STAC: variants seen among roughly 807,000 people sequenced by gnomAD.
The protein encoded by STAC is SH3 and cysteine rich domain, also known as SH3 and cysteine-rich domain-containing protein.
In STAC, 43 loss-of-function variants were observed where a neutral mutation model predicts 48.8. The ratio of observed to expected loss-of-function variants is 0.88; its 90% CI spans 0.69 to 1.14. The LOEUF (loss-of-function observed/expected upper bound fraction) is 1.14, where lower values mean the gene tolerates loss of function less well. Ranked by LOEUF, STAC falls within the 50% of genes most tolerant of loss-of-function variation. The probability of loss-of-function intolerance (pLI) is 0.00; values close to 1 mark genes in which losing one functional copy is unlikely to be tolerated. For synonymous variants in STAC, 193 were observed against 179.5 expected (o/e 1.07, Z -0.60); for missense variants, 497 against 504.0 (o/e 0.99, Z 0.13).
At chr3:36,431,775 T>G (rs1427872663) in intron 1 of STAC, among the ~76,000 whole-genome samples, 3 of 152,176 alleles carry the variant, frequency 2.0e-5, no homozygotes, top group African/African-American at 4.8e-5. Flanking sequence ...GTTTCCTCCC[T>G]GCTCTTTCTG....
intron 4 of STAC, 126 bp downstream of exon 4, chr3:36,485,184 G>A: frequency 3.1e-6 from 2 of 654,468 alleles, no homozygotes; most frequent in East Asian, 6.4e-5. Context: ...GGCTATTTGG[G>A]GTATGACTGT....
At chr3:36,483,814 GGTGGT>G (rs1228032950) in intron 3 of STAC, among the ~76,000 whole-genome samples, 1 of 152,158 alleles carries the variant, frequency 6.6e-6, no homozygotes, top group Non-Finnish European at 1.5e-5. Flanking sequence ...AGCTGAGTGT[GGTGGT>G]GTGTGCCTGT....
At chr3:36,467,837 G>A (rs554395659) in intron 2 of STAC, among the ~76,000 whole-genome samples, 51 of 151,702 alleles carry the variant, frequency 3.4e-4, no homozygotes, top group African/African-American at 1.2e-3. Context: ...TGTTATTTCA[G>A]TTTCATTTAG....
At chr3:36,430,564 C>T (rs1575193494) in intron 1 of STAC, among the ~76,000 whole-genome samples, 2 of 152,320 alleles carry the variant, frequency 1.3e-5, no homozygotes, top group South Asian at 4.1e-4. Context: ...ACAGAAATAT[C>T]CTCAGTGCAG....
At position 36,421,746 on chromosome 3, in the gene STAC, T is replaced by C. The variant is rs574174581; in HGVS notation, c.112-21618T>C. On this transcript the variant is annotated intron_variant, in intron 1 of 10. Coordinates refer to ENST00000273183, the MANE Select transcript of STAC (RefSeq NM_003149.3). The stretch of plus-strand genomic sequence containing the variant: ...CCTTTACTGTGCATTCCATGAAAGC[T>C]TCCCAAACATACCCACACATAACCA... 9.2e-5 allele frequency among the ~76,000 whole-genome samples: 14 copies of C among 152,246 alleles called. No homozygotes were observed. In the South Asian group the frequency reaches 2.9e-3, roughly 32 times the overall value.
intron 5 of STAC, among the ~76,000 whole-genome samples, chr3:36,489,660 T>C (rs1697913704): frequency 6.6e-6 from 1 of 152,240 alleles, no homozygotes; most frequent in Non-Finnish European, 1.5e-5. Flanking sequence ...AGCTTTGTGT[T>C]TTCATTACTT....
intron 1 of STAC, among the ~76,000 whole-genome samples, chr3:36,427,734 C>A (rs1039084034): frequency 2.0e-5 from 3 of 152,128 alleles, no homozygotes; most frequent in African/African-American, 7.2e-5. Flanking sequence ...AATTCCCTAC[C>A]CTTGTGGAAA....
intron 1 of STAC, among the ~76,000 whole-genome samples, chr3:36,418,645 T>G (rs1700372898): frequency 6.6e-6 from 1 of 151,662 alleles, no homozygotes; most frequent in African/African-American, 2.4e-5. Flanking sequence ...AGTTCAATTG[T>G]TCATATATTT....
rs114423872 is a variant in STAC, at chr3:36,434,108, G to A, written c.112-9256G>A. The stretch of plus-strand genomic sequence containing the variant: ...TGCCCATTGAGTTCACATGTAAAAT[G>A]TTAGAGGTGAATGTGGAAAGTGCTT... On this transcript the variant is annotated intron_variant, in intron 1 of 10. Coordinates refer to ENST00000273183, the MANE Select transcript of STAC (RefSeq NM_003149.3). 8.6e-3 allele frequency among the ~76,000 whole-genome samples: 1,310 copies of A among 152,310 alleles called. 10 individuals are homozygous for A. The highest frequency in any genetic ancestry group is 0.015 in the Non-Finnish European group (1,003 of 68,020).
Position 36,443,596 on chromosome 3 carries a change from T to G in STAC, c.344T>G (p.Phe115Cys). 1.9e-6 allele frequency: 3 copies of G among 1,613,886 alleles called. No individual in the cohort carries two copies. The highest frequency in any genetic ancestry group is 2.5e-6 in the Non-Finnish European group (3 of 1,180,012). The change falls in exon 2 of 11, where the codon TTC becomes TGC. Residue 115 changes from phenylalanine to cysteine, a missense_variant. By Grantham distance (205) the Phe-to-Cys change is radical. Coordinates refer to ENST00000273183, the MANE Select transcript of STAC (RefSeq NM_003149.3). This position sits in a 1 kb window ranked among gnomAD's most constrained non-coding sequence, Gnocchi z 4.2. ...GKAHAFQEYI[F>C]KKPTFCDVCN... Reference sequence around the variant, plus strand: ...GCTCATGCCTTTCAGGAATACATCTTCAAGAAGCCCACTTTCTGTGATGTC... The same window carrying G: ...GCTCATGCCTTTCAGGAATACATCTGCAAGAAGCCCACTTTCTGTGATGTC...
At chr3:36,493,596 G>A (rs891366338) in intron 6 of STAC, among the ~76,000 whole-genome samples, 11 of 150,616 alleles carry the variant, frequency 7.3e-5, no homozygotes, top group Non-Finnish European at 1.3e-4. Context: ...TTAGCAAACC[G>A]TACCACAGAG....
intron 1 of STAC, among the ~76,000 whole-genome samples, chr3:36,420,575 G>A (rs953317369): frequency 2.0e-5 from 3 of 152,152 alleles, no homozygotes; most frequent in Admixed American, 1.3e-4. Context: ...CTGTGCATGC[G>A]AGGACGCTAG....
At chr3:36,507,689 T>C (rs1698437538) in intron 8 of STAC, among the ~76,000 whole-genome samples, 1 of 152,212 alleles carries the variant, frequency 6.6e-6, no homozygotes, top group South Asian at 2.1e-4. Flanking sequence ...TTCTAAGTTT[T>C]CTAGTTTATT....
intron 8 of STAC, 166 bp downstream of exon 8, chr3:36,506,000 T>A: frequency 2.0e-6 from 1 of 491,560 alleles, no homozygotes; most frequent in Non-Finnish European, 3.7e-6. Flanking sequence ...ACAGGCCCTG[T>A]CCCCAGAGTT....
chr3:36,394,865 A>G (rs1699824348), intron 1 of STAC, among the ~76,000 whole-genome samples: 1 of 151,600 alleles, frequency 6.6e-6, no homozygotes, highest in Non-Finnish European at 1.5e-5. Context: ...CATGGGCAAC[A>G]GAGTAAAATT....
chr3:36,529,618 C>A (rs1426220806), intron 10 of STAC, among the ~76,000 whole-genome samples: 1 of 152,072 alleles, frequency 6.6e-6, no homozygotes, highest in Non-Finnish European at 1.5e-5. Context: ...AAAATGTGAA[C>A]CCCCACATTT....
In STAC at chr3:36,492,190, C is replaced by T. The variant is rs940114608; in HGVS notation, c.688-961C>T. On this transcript the variant is annotated intron_variant, in intron 5 of 10. Transcript: ENST00000273183. ...GTGTGGTATGCTAGTAAATGTTTAA[C>T]AACCAAGTCAGAACTGGACCCTGAT... 5.9e-4 allele frequency among the ~76,000 whole-genome samples: 89 copies of T among 150,486 alleles called. 1 individual carries two copies. Among genetic ancestry groups the T allele is most frequent in the Admixed American group, 4.9e-3 (74 of 15,084 alleles).
At chr3:36,484,462 C>T (rs1388806590) in intron 3 of STAC, among the ~76,000 whole-genome samples, 1 of 152,178 alleles carries the variant, frequency 6.6e-6, no homozygotes, top group Admixed American at 6.5e-5. Context: ...CCAAGACAGA[C>T]CATGAAGGAG....
Position 36,486,073 on chromosome 3 carries a change from A to G in STAC, c.572-61A>G, listed in dbSNP as rs1215220768. On this transcript the variant is annotated intron_variant, in intron 4 of 10. Transcript: ENST00000273183. ...GCGCTGTTCACCCAGGAGATGTGGT[A>G]GGCAGTTGGCTGGGTCCTCTCAGAT... 4.0e-6 allele frequency: 5 copies of G among 1,260,770 alleles called. No individual in the cohort carries two copies. The Admixed American group carries it at 8.9e-5, about 22-fold the overall frequency. The allele number at this position is 1,260,770 out of a possible 1,614,324, so 78.1% of individuals were successfully genotyped here.
Sources: gnomAD v4.1 joint callset for allele counts (sites outside exome capture counted in the v4.1 genomes callset) on GRCh38, gnomAD v4.1.1 for gene constraint, Gnocchi (gnomAD v3.1) non-coding constraint, MANE v1.5 for transcripts, NCBI Gene and HGNC (gene_info 2026-07-23, HGNC 2026-07-21) for gene names.